SORBS2: variants seen among roughly 807,000 people sequenced by gnomAD.
SORBS2 encodes the protein sorbin and SH3 domain containing 2.
Under a neutral mutation model 97.7 loss-of-function variants are expected in SORBS2, and 46 were observed. The ratio of observed to expected loss-of-function variants is 0.47; its 90% CI spans 0.37 to 0.60. The LOEUF is 0.60. Among genes scored for constraint, SORBS2 ranks in the 20% least tolerant of loss-of-function variants. The pLI, the probability that SORBS2 is intolerant of heterozygous loss-of-function variation, is 0.00. For missense variants in SORBS2, 1,316 were observed against 1,282.3 expected (o/e 1.03, Z -0.40); for synonymous variants, 476 against 473.4 (o/e 1.01, Z -0.07).
At chr4:185,906,828 G>A (rs1459019055) in intron 1 of SORBS2, among the ~76,000 whole-genome samples, 2 of 152,128 alleles carry the variant, frequency 1.3e-5, no homozygotes, top group Non-Finnish European at 2.9e-5. Context: ...TATTTAGGGA[G>A]GAATTATTGG....
intron 5 of SORBS2, among the ~76,000 whole-genome samples, chr4:185,628,721 C>A (rs1044726531): frequency 6.6e-6 from 1 of 152,220 alleles, no homozygotes; most frequent in Admixed American, 6.5e-5. Flanking sequence ...TGCACTCCAG[C>A]TTGGGCAACA....
intron 1 of SORBS2, among the ~76,000 whole-genome samples, chr4:185,853,407 C>T (rs560975895): frequency 1.3e-5 from 2 of 152,208 alleles, no homozygotes; most frequent in South Asian, 4.2e-4. Context: ...CTAGTTCGTT[C>T]ATATACAGAA....
chr4:185,879,874 C>A (rs4862582), intron 1 of SORBS2, among the ~76,000 whole-genome samples: 1 of 152,200 alleles, frequency 6.6e-6, no homozygotes, highest in East Asian at 1.9e-4. Context: ...AGGGCGTCCA[C>A]GTGTCTTTGT....
intron 1 of SORBS2, among the ~76,000 whole-genome samples, chr4:185,834,637 G>A (rs72705732): frequency 0.071 from 10,746 of 151,820 alleles, 561 homozygotes; most frequent in Middle Eastern, 0.15. Flanking sequence ...CCAAAATAGT[G>A]AATGTAAATA....
At chr4:185,908,179 T>G (rs1186084609) in intron 1 of SORBS2, among the ~76,000 whole-genome samples, 1 of 151,312 alleles carries the variant, frequency 6.6e-6, no homozygotes, top group Non-Finnish European at 1.5e-5. Context: ...CTACCTGACC[T>G]GGCTCCCATC....
chr4:185,779,730 T>A (rs1048923117), intron 1 of SORBS2, among the ~76,000 whole-genome samples: 1 of 152,190 alleles, frequency 6.6e-6, no homozygotes, highest in African/African-American at 2.4e-5. Context: ...GCTATAGATG[T>A]TTAGAGACCT....
chr4:185,638,348 G>A (rs1214738135), intron 4 of SORBS2, among the ~76,000 whole-genome samples, 186 bp from the exon 15 acceptor site: 1 of 152,192 alleles, frequency 6.6e-6, no homozygotes, highest in East Asian at 1.9e-4. Context: ...ATGTGAAGGC[G>A]AGCTCCATGG....
chr4:185,678,735 T>C, intron 3 of SORBS2, 61 bp downstream of exon 6: 1 of 1,235,676 alleles, frequency 8.1e-7, no homozygotes, highest in East Asian at 2.7e-5. Context: ...GATGTGGCTA[T>C]GAATATGTTT....
At chr4:185,660,623 G>C (rs1218036071), upstream of SORBS2, among the ~76,000 whole-genome samples, 4 of 152,208 alleles carry the variant, frequency 2.6e-5, no homozygotes, top group Non-Finnish European at 4.4e-5. Context: ...GCACATGCTG[G>C]ATGGTGACAT....
At chr4:185,767,278 C>G (rs1397918524) in intron 2 of SORBS2, among the ~76,000 whole-genome samples, 1 of 150,962 alleles carries the variant, frequency 6.6e-6, no homozygotes, top group African/African-American at 2.4e-5. Context: ...GCGGGCGGAT[C>G]ACGAGGTCAG....
intron 2 of SORBS2, among the ~76,000 whole-genome samples, chr4:185,731,882 A>G (rs1220598682): frequency 1.6e-5 from 1 of 63,330 alleles, no homozygotes; most frequent in African/African-American, 6.2e-5. Context: ...ATATATATAT[A>G]TATATATATA....
At chr4:185,854,987 A>C (rs2099219997) in intron 1 of SORBS2, among the ~76,000 whole-genome samples, 1 of 152,228 alleles carries the variant, frequency 6.6e-6, no homozygotes, top group Non-Finnish European at 1.5e-5. Context: ...ATATGAAGAC[A>C]TCATAAAGAC....
chr4:185,809,857 T>A lies in SORBS2; in HGVS notation c.-337-34491A>T, dbSNP rs573307548. ...GGTGTGCCCTGGATATTTCTACACC[T>A]CATTCTTCTAAAAGCTCCCCCAAGA... On this transcript the variant is annotated intron_variant, in intron 1 of 20. Transcript: ENST00000284776. Among the ~76,000 whole-genome samples the A allele has an allele frequency of 4.6e-5, 7 of 152,320 alleles. No homozygotes were observed. In the East Asian group the frequency reaches 9.6e-4, roughly 21 times the overall value.
At chr4:185,663,333 G>T (rs6831546) in intron 4 of SORBS2, among the ~76,000 whole-genome samples, 18,148 of 152,236 alleles carry the variant, frequency 0.12, 1,187 homozygotes, top group Middle Eastern at 0.19. Context: ...GTATTTCTAT[G>T]ATTTCACTTT....
At chr4:185,833,201 CA>C (rs2099206085) in intron 1 of SORBS2, among the ~76,000 whole-genome samples, 1 of 152,332 alleles carries the variant, frequency 6.6e-6, no homozygotes, top group Non-Finnish European at 1.5e-5. Context: ...CTACCATGCA[CA>C]TTGTGTCCAA....
intron 1 of SORBS2, among the ~76,000 whole-genome samples, chr4:185,884,355 G>C (rs985834636): frequency 6.6e-5 from 10 of 152,080 alleles, no homozygotes; most frequent in Non-Finnish European, 1.5e-4. Context: ...TAACATTCCT[G>C]ATGTTTATAG....
At chr4:185,660,750 G>C (rs945400472), upstream of SORBS2, among the ~76,000 whole-genome samples, 1 of 152,086 alleles carries the variant, frequency 6.6e-6, no homozygotes. Flanking sequence ...CTGGGTTTTA[G>C]TTTCTTTCCC....
At chr4:185,672,219 A>G (rs1481012181) in intron 4 of SORBS2, among the ~76,000 whole-genome samples, 1 of 152,240 alleles carries the variant, frequency 6.6e-6, no homozygotes, top group African/African-American at 2.4e-5. Flanking sequence ...CCATGGAGCA[A>G]AAGAAATGAG....
rs929239986 is a variant in SORBS2 at position 185,913,425 on chromosome 4, A to G, written c.-338+42771T>C. ...TGACAGACCAACATCTGAACTTTTA[A>G]AAAAGATTTTACCAAAGGATTCGCT... On this transcript the variant is annotated intron_variant, in intron 1 of 20. Transcript: ENST00000284776. 5.1e-4 allele frequency among the ~76,000 whole-genome samples: 77 copies of G among 152,218 alleles called. 4 individuals are homozygous for G. The highest frequency in any genetic ancestry group is 1.6e-4 in the Non-Finnish European group (11 of 68,030).
Sources: gnomAD v4.1 joint callset for allele counts (sites outside exome capture counted in the v4.1 genomes callset) on GRCh38, gnomAD v4.1.1 for gene constraint, MANE v1.5 for transcripts, NCBI Gene and HGNC (gene_info 2026-07-23, HGNC 2026-07-21) for gene names.